Variants in IL17D observed in about 807,000 individuals in gnomAD.
IL17D encodes interleukin 17D.
A neutral mutation model predicts 5.7 loss-of-function variants in IL17D; 10 were observed. The ratio of observed to expected loss-of-function variants is 1.75; its 90% CI spans 1.08 to 2.97. The LOEUF is 2.97. Ranked by LOEUF, IL17D falls within the 30% of genes most tolerant of loss-of-function variation. The pLI is 0.00. For missense variants in IL17D, 354 were observed against 292.7 expected (o/e 1.21, Z -1.53); for synonymous variants, 172 against 141.7 (o/e 1.21, Z -1.52).
Position 20,722,195 on chromosome 13 carries a change from C to T in IL17D, c.*241C>T. The T allele has an allele frequency of 2.0e-6, 1 of 512,684 alleles. No individual in the cohort carries two copies. Among genetic ancestry groups the T allele is most frequent in the East Asian group, 3.3e-5 (1 of 29,860 alleles). The allele number at this position is 512,684 out of a possible 1,614,324, so 31.8% of individuals were successfully genotyped here. A position where few individuals can be genotyped will look rare whatever the true frequency, so the allele number is the denominator to read the frequency against. On this transcript the variant is annotated 3_prime_UTR_variant, in exon 2 of 2. Transcript: ENST00000682841. ...GAAGCTGATGGGAAACGACCCGGCA[C>T]GGGCATCCTGTGTGCGGCCCGCATG... is the stretch of plus-strand genomic sequence containing the variant.
intron 1 of IL17D, among the ~76,000 whole-genome samples, chr13:20,714,710 C>A (rs575081671): frequency 6.6e-6 from 1 of 152,194 alleles, no homozygotes; most frequent in Non-Finnish European, 1.5e-5. Context: ...GTGCCCTGGG[C>A]AGACCTCATT....
At chr13:20,706,434 C>G (rs916663837) in intron 1 of IL17D, among the ~76,000 whole-genome samples, 3 of 152,276 alleles carry the variant, frequency 2.0e-5, no homozygotes, top group African/African-American at 7.2e-5. Context: ...AACTCTCAGG[C>G]AAACCCGTGG....
intron 1 of IL17D, among the ~76,000 whole-genome samples, chr13:20,720,099 T>G (rs2058719234): frequency 6.6e-6 from 1 of 152,172 alleles, no homozygotes; most frequent in African/African-American, 2.4e-5. Context: ...AAGTTCAGGT[T>G]TGACCCAGCC....
In IL17D at chr13:20,721,955, G is replaced by T. The variant is rs1288999846; in HGVS notation, c.*1G>T. 1.3e-6 allele frequency: 2 copies of T among 1,587,088 alleles called. No homozygotes were observed. ...CAACGACGCGCCCGCTGGCCCCTGA[G>T]GCCGGTCCTGCCCCGGGAGGTCTCC... On this transcript the variant is annotated 3_prime_UTR_variant, in exon 2 of 2. Coordinates refer to ENST00000682841, the MANE Select transcript of IL17D (RefSeq NM_001385224.1).
chr13:20,711,371 G>C (rs1379676149), intron 1 of IL17D, among the ~76,000 whole-genome samples: 1 of 152,172 alleles, frequency 6.6e-6, no homozygotes, highest in Non-Finnish European at 1.5e-5. Flanking sequence ...CACGCTGGAA[G>C]GTGGAAGCAA....
At chr13:20,721,287 C>A (rs1024366012) in intron 1 of IL17D, among the ~76,000 whole-genome samples, 4 of 152,202 alleles carry the variant, frequency 2.6e-5, no homozygotes, top group Non-Finnish European at 4.4e-5. Flanking sequence ...GCCTTGCCGG[C>A]GGGAAGCAGC....
chr13:20,706,836 T>C (rs906076399), intron 1 of IL17D, among the ~76,000 whole-genome samples: 1 of 152,186 alleles, frequency 6.6e-6, no homozygotes, highest in Non-Finnish European at 1.5e-5. Context: ...GGGATCGTGG[T>C]CTGGGCCACC....
intron 1 of IL17D, chr13:20,717,153 TA>T (rs1314835864): frequency 6.6e-6 from 1 of 152,252 alleles, no homozygotes; most frequent in Non-Finnish European, 1.5e-5. Context: ...GTTCCTGGAT[TA>T]AGCCGGGCCA....
intron 1 of IL17D, chr13:20,714,053 C>T (rs2058660581): frequency 6.6e-6 from 1 of 152,264 alleles, no homozygotes; most frequent in South Asian, 2.1e-4. Flanking sequence ...AGAGTTAAGC[C>T]ACCCCGTGGG....
chr13:20,703,422 G>A, upstream of IL17D: 5 of 985,804 alleles, frequency 5.1e-6, no homozygotes, highest in Non-Finnish European at 6.0e-6. Flanking sequence ...TCGCTCAGTC[G>A]GCTTCTCGGT....
chr13:20,722,007 C>T lies in IL17D; in HGVS notation c.*53C>T. ...CGGCCCGCATCCCGAGGCGCCCAAGCTGGAGCCGCCTGGAGGGCTCGGTCG... is the reference window on the plus strand; with the variant it reads ...CGGCCCGCATCCCGAGGCGCCCAAGTTGGAGCCGCCTGGAGGGCTCGGTCG... On this transcript the variant is annotated 3_prime_UTR_variant, in exon 2 of 2. Coordinates refer to ENST00000682841, the MANE Select transcript of IL17D (RefSeq NM_001385224.1). 3 of 1,412,188 alleles carry T rather than the reference C, an allele frequency of 2.1e-6. No individual in the cohort carries two copies. The highest frequency in any genetic ancestry group is 2.8e-6 in the Non-Finnish European group (3 of 1,064,702). The allele number at this position is 1,412,188 out of a possible 1,614,324, so 87.5% of individuals were successfully genotyped here.
chr13:20,712,677 A>T (rs1594998932), intron 1 of IL17D: 2 of 151,406 alleles, frequency 1.3e-5, no homozygotes, highest in Non-Finnish European at 3.0e-5. Context: ...CGACGCTAAA[A>T]AAAAAAAAAA....
intron 1 of IL17D, among the ~76,000 whole-genome samples, chr13:20,704,604 A>G (rs1256602196): frequency 2.7e-5 from 4 of 150,756 alleles, no homozygotes; most frequent in African/African-American, 9.8e-5. Flanking sequence ...GCGAAGGCCC[A>G]CCCCCACCAC....
At chr13:20,712,159 A>C (rs2141388957) in intron 1 of IL17D, among the ~76,000 whole-genome samples, 1 of 152,398 alleles carries the variant, frequency 6.6e-6, no homozygotes, top group South Asian at 2.1e-4. Flanking sequence ...CTCCTCCTGC[A>C]GTCACAAGGT....
In IL17D at chr13:20,721,782, C is replaced by G. The variant is rs372060169; in HGVS notation, c.437C>G (p.Thr146Ser). 52 of 1,609,376 alleles carry G rather than the reference C, an allele frequency of 3.2e-5. No homozygotes were observed. The highest frequency in any genetic ancestry group is 4.2e-5 in the Non-Finnish European group (50 of 1,179,726). Residue 146 changes from threonine to serine, a missense_variant, in exon 2 of 2, where the codon ACC becomes AGC. Physicochemically the swap from Thr to Ser is moderately conservative, Grantham distance 58 (BLOSUM62 1). Transcript: ENST00000682841. ...VYMPTVVLRR[T>S]PACAGGRSVY... ...ATGCCCACCGTCGTCCTGCGCCGCA[C>G]CCCCGCCTGCGCCGGCGGCCGTTCC... is the stretch of plus-strand genomic sequence containing the variant.
intron 1 of IL17D, among the ~76,000 whole-genome samples, chr13:20,718,207 T>A (rs544612324): frequency 6.6e-6 from 1 of 152,226 alleles, no homozygotes; most frequent in African/African-American, 2.4e-5. Context: ...CCGGTGCCCT[T>A]CATGAGTTTC....
chr13:20,719,651 T>C (rs1041664835), intron 1 of IL17D, among the ~76,000 whole-genome samples: 1 of 152,240 alleles, frequency 6.6e-6, no homozygotes, highest in South Asian at 2.1e-4. Flanking sequence ...GTTCCCCAAA[T>C]GTCAGCATCA....
intron 1 of IL17D, among the ~76,000 whole-genome samples, chr13:20,720,185 G>GTACTC (rs1193184273): frequency 6.6e-6 from 1 of 152,146 alleles, no homozygotes; most frequent in Non-Finnish European, 1.5e-5. Context: ...GGAAGTCGGT[G>GTACTC]TACTCTGCTC....
intron 1 of IL17D, among the ~76,000 whole-genome samples, chr13:20,720,874 A>ACCCCCCCCCCCCC (rs67735251): frequency 2.0e-3 from 149 of 75,742 alleles, no homozygotes; most frequent in Non-Finnish European, 2.1e-3. Context: ...CTCCCTCCCA[A>ACCCCCCCCCCCCC]CCCCCCCCCC....
Sources: gnomAD v4.1 joint callset for allele counts (sites outside exome capture counted in the v4.1 genomes callset) on GRCh38, gnomAD v4.1.1 for gene constraint, MANE v1.5 for transcripts, NCBI Gene and HGNC (gene_info 2026-07-23, HGNC 2026-07-21) for gene names.